Variants in EIPR1 observed in about 807,000 individuals in gnomAD.
EIPR1 encodes EARP and GARP complex-interacting protein 1.
In EIPR1, 25 loss-of-function variants were observed where a neutral mutation model predicts 48.1. That is an observed-to-expected ratio of 0.52 (90% CI 0.38 to 0.73). The LOEUF is 0.73. Among genes scored for constraint, EIPR1 ranks in the 30% least tolerant of loss-of-function variants. EIPR1 has a pLI of 0.00. For synonymous variants in EIPR1, 204 were observed against 201.9 expected, an observed-to-expected ratio of 1.01 and a Z score of -0.09; for missense variants, 415 against 506.2, an observed-to-expected ratio of 0.82 and a Z score of 1.73.
intron 3 of EIPR1, among the ~76,000 whole-genome samples, chr2:3,308,812 C>A (rs1332742816): frequency 6.6e-6 from 1 of 152,128 alleles, no homozygotes; most frequent in East Asian, 1.9e-4. Flanking sequence ...AAACCAGAGA[C>A]CAGAACAAAG....
At chr2:3,225,407 G>A (rs1254222829) in intron 4 of EIPR1, among the ~76,000 whole-genome samples, 1 of 151,968 alleles carries the variant, frequency 6.6e-6, no homozygotes, top group African/African-American at 2.4e-5. Flanking sequence ...CACCCTACTT[G>A]GTTAATTTTT....
chr2:3,273,369 G>T (rs1667753844), intron 3 of EIPR1, among the ~76,000 whole-genome samples: 1 of 152,184 alleles, frequency 6.6e-6, no homozygotes, highest in African/African-American at 2.4e-5. Flanking sequence ...AAAGGCCACA[G>T]ATAGAACGGG....
At chr2:3,194,696 A>ACGC (rs1553277867) in intron 6 of EIPR1, among the ~76,000 whole-genome samples, 1 of 150,516 alleles carries the variant, frequency 6.6e-6, no homozygotes, top group Non-Finnish European at 1.5e-5. Context: ...AGAGAGAGAA[A>ACGC]GGGGGGGGCA....
intron 5 of EIPR1, among the ~76,000 whole-genome samples, chr2:3,199,061 G>GCCCCCCCCCCCCC (rs1334678710): frequency 1.3e-4 from 3 of 22,602 alleles, no homozygotes; most frequent in Non-Finnish European, 2.2e-4. Flanking sequence ...ATTTTAGAGG[G>GCCCCCCCCCCCCC]CCCCCCCCCC....
intron 1 of EIPR1, among the ~76,000 whole-genome samples, chr2:3,371,920 A>G (rs575356152): frequency 6.6e-6 from 1 of 152,276 alleles, no homozygotes; most frequent in South Asian, 2.1e-4. Flanking sequence ...CCAAATCAAC[A>G]GAATATACAT....
chr2:3,202,475 G>A (rs922714622), intron 5 of EIPR1, among the ~76,000 whole-genome samples: 1 of 152,200 alleles, frequency 6.6e-6, no homozygotes, highest in African/African-American at 2.4e-5. Context: ...TCGATACTGT[G>A]TTCCAGTTAA....
At chr2:3,280,418 C>A (rs1667980297) in intron 3 of EIPR1, among the ~76,000 whole-genome samples, 1 of 152,226 alleles carries the variant, frequency 6.6e-6, no homozygotes, top group Non-Finnish European at 1.5e-5. Flanking sequence ...ACGAGCCACA[C>A]CCTGGCATGA....
At chr2:3,229,489 AT>A (rs1666170298) in intron 4 of EIPR1, among the ~76,000 whole-genome samples, 1 of 152,212 alleles carries the variant, frequency 6.6e-6, no homozygotes, top group Non-Finnish European at 1.5e-5. Context: ...ATGCCAATAA[AT>A]TTCTTCACTG....
At chr2:3,321,662 T>C (rs1268426518) in intron 3 of EIPR1, among the ~76,000 whole-genome samples, 30 of 152,216 alleles carry the variant, frequency 2.0e-4, no homozygotes, top group Admixed American at 2.0e-3. Flanking sequence ...AAATGCATCT[T>C]TAAACAAGAA....
chr2:3,196,576 C>T lies in EIPR1; in HGVS notation c.653+305G>A, dbSNP rs1664813188. Among the ~76,000 whole-genome samples the T allele has an allele frequency of 2.0e-5, 3 of 152,192 alleles. No homozygotes were observed. In the South Asian group the frequency reaches 6.2e-4, roughly 32 times the overall value. On this transcript the variant is annotated intron_variant, in intron 6 of 8. Transcript: ENST00000382125. ...ATCAGACACGGGCACCCTGTGGTCC[C>T]CATCTCGCTCAGTGTTACAAAAGCC...
At chr2:3,274,282 C>T in intron 3 of EIPR1, 3 of 1,546,382 alleles carry the variant, frequency 1.9e-6, no homozygotes, top group Non-Finnish European at 2.6e-6. Flanking sequence ...AATATATCCA[C>T]TCCTGGACAC....
At chr2:3,195,163 A>T (rs1664764433) in intron 6 of EIPR1, among the ~76,000 whole-genome samples, 1 of 152,234 alleles carries the variant, frequency 6.6e-6, no homozygotes, top group Non-Finnish European at 1.5e-5. Flanking sequence ...TGAATCCCAG[A>T]GGGCAGGTCA....
chr2:3,333,137 A>G (rs1669947788), intron 3 of EIPR1, among the ~76,000 whole-genome samples: 1 of 152,176 alleles, frequency 6.6e-6, no homozygotes, highest in Admixed American at 6.5e-5. Context: ...AAGGGTACAG[A>G]GAAAGGGTTT....
rs144706077 is a variant in EIPR1 at position 3,314,226 on chromosome 2, G to A, written c.259+23791C>T. Among the ~76,000 whole-genome samples, 158 of 152,230 alleles carry A rather than the reference G, an allele frequency of 1.0e-3. 3 individuals carry two copies. In the East Asian group the frequency reaches 0.025, roughly 24 times the overall value. On this transcript the variant is annotated intron_variant, in intron 3 of 8. Coordinates refer to ENST00000382125, the MANE Select transcript of EIPR1 (RefSeq NM_003310.5). ...CTGAAAAATTCATCCCAGTTCTAAC[G>A]TGGGACGCTCGTTCCCAAGTACAGA...
intron 5 of EIPR1, among the ~76,000 whole-genome samples, chr2:3,204,986 G>A (rs1665180208): frequency 6.6e-6 from 1 of 152,316 alleles, no homozygotes; most frequent in South Asian, 2.1e-4. Flanking sequence ...CATGCACGCT[G>A]ACCAATACCA....
intron 1 of EIPR1, among the ~76,000 whole-genome samples, chr2:3,375,601 G>A (rs1047465815): frequency 2.0e-5 from 3 of 152,142 alleles, no homozygotes; most frequent in African/African-American, 7.2e-5. Context: ...ATCCCTATGT[G>A]TATCTAGTTA....
chr2:3,220,736 C>T (rs113227451), intron 4 of EIPR1, among the ~76,000 whole-genome samples: 3 of 123,228 alleles, frequency 2.4e-5, no homozygotes, highest in African/African-American at 9.2e-5. Context: ...ACAGTGAGTC[C>T]GGAACACACG....
At chr2:3,368,970 T>C (rs777663821) in intron 1 of EIPR1, among the ~76,000 whole-genome samples, 2 of 152,152 alleles carry the variant, frequency 1.3e-5, no homozygotes, top group Non-Finnish European at 2.9e-5. Flanking sequence ...CGGTCAACGA[T>C]CAGATCTCTA....
In EIPR1 at chr2:3,192,507, A is replaced by C; in HGVS notation, c.896T>G (p.Leu299Arg). The C allele has an allele frequency of 1.2e-6, 2 of 1,613,156 alleles. No homozygotes were observed. Among genetic ancestry groups the C allele is most frequent in the Non-Finnish European group, 1.7e-6 (2 of 1,179,848 alleles). Reference sequence around the variant, plus strand: ...CGACGAGATGGACACCATGTTGGAAAGGATGACTCTGCTGTCACTGCTGCC... The same window carrying C: ...CGACGAGATGGACACCATGTTGGAACGGATGACTCTGCTGTCACTGCTGCC... ...LTGSSDSRVILSNMVSISSEP... is the reference protein window; with the variant it reads ...LTGSSDSRVIRSNMVSISSEP... The change falls in exon 8 of 9, where the codon CTT becomes CGT. Residue 299 changes from leucine to arginine, a missense_variant. Physicochemically the swap from Leu to Arg is moderately radical, Grantham distance 102 (BLOSUM62 -2). Transcript: ENST00000382125.
Sources: gnomAD v4.1 joint callset for allele counts (sites outside exome capture counted in the v4.1 genomes callset) on GRCh38, gnomAD v4.1.1 for gene constraint, MANE v1.5 for transcripts, NCBI Gene and HGNC (gene_info 2026-07-23, HGNC 2026-07-21) for gene names.